Variants in KCNH5 observed in about 807,000 individuals in gnomAD.
KCNH5 encodes the protein potassium voltage-gated channel subfamily H member 5.
KCNH5 carries 46 observed loss-of-function variants against 96.1 expected under a neutral mutation model. The observed-to-expected ratio is 0.48, with a 90% CI of 0.38 to 0.61. The LOEUF (loss-of-function observed/expected upper bound fraction) is 0.61, where lower values mean the gene tolerates loss of function less well. KCNH5 is among the 20% of genes least tolerant of loss of function. The pLI is 0.00. For missense variants in KCNH5, 907 were observed against 1,225.8 expected (o/e 0.74, Z 3.88); for synonymous variants, 439 against 449.8 (o/e 0.98, Z 0.30).
intron 7 of KCNH5, among the ~76,000 whole-genome samples, chr14:62,910,899 CCACA>C (rs1555363113): frequency 0.021 from 2,886 of 140,298 alleles, 35 homozygotes; most frequent in Middle Eastern, 0.032. Flanking sequence ...TGTGCATACA[CCACA>C]CACACACACA....
chr14:63,007,423 C>T (rs531885284), intron 2 of KCNH5, among the ~76,000 whole-genome samples: 7 of 152,246 alleles, frequency 4.6e-5, no homozygotes, highest in Admixed American at 1.3e-4. Context: ...TTAAATGACT[C>T]ATAAGTTTTT....
intron 8 of KCNH5, among the ~76,000 whole-genome samples, chr14:62,806,142 C>T (rs751954190): frequency 1.1e-4 from 16 of 152,036 alleles, no homozygotes; most frequent in South Asian, 2.1e-4. Context: ...TGACAGTTTA[C>T]GAATGTCATG....
chr14:62,742,093 T>C (rs887369248), intron 10 of KCNH5, among the ~76,000 whole-genome samples: 1 of 152,148 alleles, frequency 6.6e-6, no homozygotes, highest in Non-Finnish European at 1.5e-5. Flanking sequence ...AAATATCATC[T>C]GGAAACTGGT....
rs565192618 is a variant in KCNH5, at chr14:62,828,271, G to A, written c.1569+21382C>T. 9.2e-5 allele frequency among the ~76,000 whole-genome samples: 14 copies of A among 152,100 alleles called. 1 individual carries two copies. In the South Asian group the frequency reaches 2.9e-3, roughly 32 times the overall value. On this transcript the variant is annotated intron_variant, in intron 8 of 10. Coordinates refer to ENST00000322893, the MANE Select transcript of KCNH5 (RefSeq NM_139318.5). Reference sequence around the variant, plus strand: ...CTCTTTGTGGGAGATAGGCTTTCAGGTTGAAAAGTCTGATTTTTATTACCT... The same window carrying A: ...CTCTTTGTGGGAGATAGGCTTTCAGATTGAAAAGTCTGATTTTTATTACCT...
intron 9 of KCNH5, 22 bp downstream of exon 9, chr14:62,802,307 A>C (rs748778751): frequency 6.2e-7 from 1 of 1,608,140 alleles, no homozygotes; most frequent in Non-Finnish European, 8.5e-7. Flanking sequence ...ATTTGCTACT[A>C]CATTAGGAAA....
chr14:62,862,385 T>C (rs569198572), intron 7 of KCNH5, among the ~76,000 whole-genome samples: 153 of 152,298 alleles, frequency 1.0e-3, no homozygotes, highest in Non-Finnish European at 2.0e-3. Flanking sequence ...ATATGTCTTC[T>C]GGCTGATTCT....
intron 1 of KCNH5, among the ~76,000 whole-genome samples, chr14:63,020,071 A>C (rs1420924004): frequency 6.6e-6 from 1 of 152,118 alleles, no homozygotes; most frequent in Non-Finnish European, 1.5e-5. Flanking sequence ...CACAAGAACA[A>C]GATGCTTACA....
chr14:62,799,691 T>TTATATATATATATA lies in KCNH5; in HGVS notation c.1822+2624_1822+2637dup, dbSNP rs71410693. On this transcript the variant is annotated intron_variant, in intron 9 of 10. Transcript: ENST00000322893. ...ATATATCTTTTCTATGTATATACCT[T>TTATATATATATATA]TATATATATATATATATATATATAT... 1.1e-3 allele frequency among the ~76,000 whole-genome samples: 66 copies of TTATATATATATATA among 58,006 alleles called. 1 individual carries two copies. Among genetic ancestry groups the TTATATATATATATA allele is most frequent in the East Asian group, 1.6e-3 (2 of 1,258 alleles). The allele number at this position is 58,006 out of a possible 152,430, so 38.1% of individuals were successfully genotyped here.
chr14:62,950,702 G>T, intron 6 of KCNH5, 143 bp from the exon 7 acceptor site: 1 of 575,972 alleles, frequency 1.7e-6, no homozygotes, highest in Non-Finnish European at 2.6e-6. Flanking sequence ...CTGATTTTAA[G>T]AAAACAAAAA....
At chr14:62,753,297 T>C (rs1885543502) in intron 10 of KCNH5, among the ~76,000 whole-genome samples, 2 of 151,552 alleles carry the variant, frequency 1.3e-5, no homozygotes, top group African/African-American at 4.9e-5. Flanking sequence ...TATTTGAAAA[T>C]AGACAGAAGA....
intron 10 of KCNH5, among the ~76,000 whole-genome samples, chr14:62,720,869 C>A (rs59427889): frequency 5.3e-5 from 8 of 152,096 alleles, no homozygotes; most frequent in African/African-American, 1.7e-4. Context: ...ATTACAGATG[C>A]GCGTGCATGC....
At chr14:62,878,328 C>T (rs1478539451) in intron 7 of KCNH5, among the ~76,000 whole-genome samples, 1 of 151,186 alleles carries the variant, frequency 6.6e-6, no homozygotes, top group East Asian at 1.9e-4. Context: ...GCACATGTAC[C>T]CTAAAACTTA....
intron 10 of KCNH5, among the ~76,000 whole-genome samples, chr14:62,774,869 A>T (rs908105212): frequency 1.3e-5 from 2 of 152,204 alleles, no homozygotes. Flanking sequence ...ACTCTCACAC[A>T]TGGGATCTTA....
intron 6 of KCNH5, among the ~76,000 whole-genome samples, chr14:62,970,617 T>A (rs1251729182): frequency 1.3e-5 from 2 of 152,154 alleles, no homozygotes; most frequent in Non-Finnish European, 2.9e-5. Flanking sequence ...TTTAAAAAAA[T>A]TTAATCTAAC....
intron 7 of KCNH5, among the ~76,000 whole-genome samples, chr14:62,919,416 C>G (rs1889338591): frequency 6.6e-6 from 1 of 152,078 alleles, no homozygotes; most frequent in African/African-American, 2.4e-5. Flanking sequence ...AAATGCATTT[C>G]TGGGACTCAC....
intron 8 of KCNH5, among the ~76,000 whole-genome samples, chr14:62,837,674 C>T (rs1016200785): frequency 6.6e-6 from 1 of 152,142 alleles, no homozygotes; most frequent in African/African-American, 2.4e-5. Context: ...TATGGAAGGA[C>T]AGCACTCAAG....
intron 10 of KCNH5, among the ~76,000 whole-genome samples, chr14:62,737,806 A>T (rs937022765): frequency 1.3e-5 from 2 of 152,168 alleles, no homozygotes; most frequent in Non-Finnish European, 2.9e-5. Context: ...AACATTCATT[A>T]TTAACAGCTA....
At chr14:62,755,714 T>C (rs1566650288) in intron 10 of KCNH5, among the ~76,000 whole-genome samples, 1 of 152,148 alleles carries the variant, frequency 6.6e-6, no homozygotes, top group Non-Finnish European at 1.5e-5. Flanking sequence ...TTCAACAAAA[T>C]ACTAGCAAGA....
At chr14:62,884,214 T>A (rs1405959860) in intron 7 of KCNH5, among the ~76,000 whole-genome samples, 8 of 152,232 alleles carry the variant, frequency 5.3e-5, no homozygotes, top group African/African-American at 1.9e-4. Context: ...AATACGGCAC[T>A]AACAGCGCTC....
Sources: allele counts gnomAD v4.1 joint callset (sites outside exome capture counted in the v4.1 genomes callset), GRCh38; gene constraint gnomAD v4.1.1; transcripts MANE v1.5; gene names NCBI Gene and HGNC (gene_info 2026-07-23, HGNC 2026-07-21).